The following ZNF704 variants were observed in gnomAD, a reference collection of about 807,000 sequenced individuals.
ZNF704 encodes zinc finger protein 704, also known as glucocorticoid induced gene 1.
A neutral mutation model predicts 44.7 loss-of-function variants in ZNF704; 10 were observed. The observed-to-expected ratio is 0.22, with a 90% CI of 0.14 to 0.38. ZNF704 has a LOEUF of 0.38. Among genes scored for constraint, ZNF704 ranks in the 10% least tolerant of loss-of-function variants. The pLI, the probability that ZNF704 is intolerant of heterozygous loss-of-function variation, is 1.00. For synonymous variants in ZNF704, 211 were observed against 207.6 expected (o/e 1.02, Z -0.14); for missense variants, 390 against 545.5 (o/e 0.71, Z 2.84).
chr8:80,832,316 A>G (rs1449103305), intron 1 of ZNF704, among the ~76,000 whole-genome samples: 1 of 152,144 alleles, frequency 6.6e-6, no homozygotes, highest in Non-Finnish European at 1.5e-5. Context: ...CAGGGACTGA[A>G]GCTCATCATT....
intron 7 of ZNF704, among the ~76,000 whole-genome samples, chr8:80,658,130 G>T (rs1563508194): frequency 6.6e-6 from 1 of 152,160 alleles, no homozygotes; most frequent in Non-Finnish European, 1.5e-5. Context: ...ATTCCAGTTT[G>T]CTTGGCCACA....
intron 2 of ZNF704, among the ~76,000 whole-genome samples, chr8:80,731,403 T>C (rs1419514095): frequency 6.6e-6 from 1 of 152,160 alleles, no homozygotes; most frequent in Non-Finnish European, 1.5e-5. Flanking sequence ...ATGGTATACA[T>C]ACATGATCAA....
intron 2 of ZNF704, among the ~76,000 whole-genome samples, chr8:80,750,026 T>G (rs1056988442): frequency 1.3e-5 from 2 of 152,166 alleles, no homozygotes; most frequent in African/African-American, 2.4e-5. Context: ...CTTAGTCCTG[T>G]GTCCTGGAAG....
At chr8:80,696,629 G>A (rs1818729976) in intron 2 of ZNF704, among the ~76,000 whole-genome samples, 1 of 152,170 alleles carries the variant, frequency 6.6e-6, no homozygotes, top group Non-Finnish European at 1.5e-5. Context: ...TGTTGACCAC[G>A]CTGGTCTCAA....
chr8:80,681,063 T>TAAA (rs1818445667), intron 4 of ZNF704, among the ~76,000 whole-genome samples: 1 of 152,200 alleles, frequency 6.6e-6, no homozygotes, highest in Non-Finnish European at 1.5e-5. Context: ...CTCCCTTTTA[T>TAAA]GTGGTGAAGT....
intron 2 of ZNF704, among the ~76,000 whole-genome samples, chr8:80,799,487 T>C (rs1320569009): frequency 2.6e-5 from 4 of 152,150 alleles, no homozygotes; most frequent in Non-Finnish European, 5.9e-5. Flanking sequence ...AAATAGCCAC[T>C]GGTGGTACCT....
intron 2 of ZNF704, among the ~76,000 whole-genome samples, chr8:80,727,168 G>C (rs925864676): frequency 1.3e-5 from 2 of 152,144 alleles, no homozygotes; most frequent in Non-Finnish European, 2.9e-5. Context: ...AGAATAGCAA[G>C]AGATTAAATA....
chr8:80,883,406 C>T, the ZNF704 span, among the ~76,000 whole-genome samples: 83 of 152,270 alleles, frequency 5.5e-4, no homozygotes, highest in Non-Finnish European at 7.9e-4. Flanking sequence ...CCTGCTAGAA[C>T]ATTCTGCAGT....
Position 80,868,765 on chromosome 8 carries a change from TTTG to T in ZNF704, c.-22+5803_-22+5805del, listed in dbSNP as rs376663663. Reference sequence around the variant, plus strand: ...TTTTATTGATTTTTTTGGCTTACCCTTTGTTTTCTCCAACCCACTGACACATGA... The same window carrying T: ...TTTTATTGATTTTTTTGGCTTACCCTTTTTCTCCAACCCACTGACACATGA... On this transcript the variant is annotated intron_variant, in intron 1 of 8. Coordinates refer to ENST00000327835, the MANE Select transcript of ZNF704 (RefSeq NM_001033723.3). Among the ~76,000 whole-genome samples the T allele has an allele frequency of 6.5e-3, 997 of 152,332 alleles. 4 individuals are homozygous for T. The highest frequency in any genetic ancestry group is 7.9e-3 in the Non-Finnish European group (540 of 68,034).
At chr8:80,843,924 G>A (rs1808721663) in intron 1 of ZNF704, among the ~76,000 whole-genome samples, 1 of 149,592 alleles carries the variant, frequency 6.7e-6, no homozygotes, top group Admixed American at 6.7e-5. Context: ...AGGGAGAACA[G>A]TGAAATATAT....
chr8:80,727,639 A>T (rs1366923302), intron 2 of ZNF704, among the ~76,000 whole-genome samples: 1 of 152,082 alleles, frequency 6.6e-6, no homozygotes, highest in Non-Finnish European at 1.5e-5. Flanking sequence ...GAGGACGCAC[A>T]TCATACAAGT....
At chr8:80,650,563 T>C (rs1054244930) in intron 7 of ZNF704, among the ~76,000 whole-genome samples, 1 of 152,080 alleles carries the variant, frequency 6.6e-6, no homozygotes, top group Admixed American at 6.5e-5. Context: ...AGAAAGGGTA[T>C]CAGTGATGGA....
chr8:80,792,197 A>T (rs1291585141), intron 2 of ZNF704, among the ~76,000 whole-genome samples: 2 of 152,204 alleles, frequency 1.3e-5, no homozygotes, highest in Non-Finnish European at 2.9e-5. Context: ...ATTGAACAAG[A>T]TTTTAAACAG....
chr8:80,670,724 T>A (rs1317817981), intron 4 of ZNF704, 121 bp from the exon 5 acceptor site: 1 of 687,048 alleles, frequency 1.5e-6, no homozygotes, highest in Admixed American at 2.2e-5. Flanking sequence ...GCCTCTTGAC[T>A]ATAACTCAGC....
Position 80,659,640 on chromosome 8 carries a change from C to A in ZNF704, c.977G>T (p.Gly326Val). The change falls in exon 7 of 9, where the codon GGC becomes GTC. Residue 326 changes from glycine (G) to valine (V), a missense_variant. Around this residue, in one of 3 missense-constraint regions of ZNF704, gnomAD observed 305 missense variants for 435.7 expected, o/e 0.70. Transcript: ENST00000327835. ...IPGSAKFTPN[G>V]SSFSISWQSP... is the part of the protein sequence containing the mutation. ...TTGCCAGGAAATGCTGAAGCTGCTG[C>A]CATTGGGGGTGAACTTGGCCGATCC... 1 of 1,613,930 alleles carries A rather than the reference C, an allele frequency of 6.2e-7. No individual in the cohort carries two copies. Among genetic ancestry groups the A allele is most frequent in the Non-Finnish European group, 8.5e-7 (1 of 1,179,942 alleles).
At chr8:80,849,047 G>A (rs1808814813) in intron 1 of ZNF704, among the ~76,000 whole-genome samples, 2 of 152,102 alleles carry the variant, frequency 1.3e-5, no homozygotes, top group South Asian at 4.1e-4. Context: ...CCTTTAAGCA[G>A]CTAAAAATCT....
intron 2 of ZNF704, among the ~76,000 whole-genome samples, chr8:80,812,996 A>G (rs1314837672): frequency 6.6e-6 from 1 of 152,216 alleles, no homozygotes; most frequent in Non-Finnish European, 1.5e-5. Flanking sequence ...AAGATGCTGC[A>G]TCACATCTAA....
upstream of ZNF704, among the ~76,000 whole-genome samples, chr8:80,879,050 G>T (rs1003587783): frequency 5.9e-5 from 9 of 152,150 alleles, no homozygotes; most frequent in African/African-American, 2.2e-4. Context: ...CACTAGTTAA[G>T]TCCCCTGATC....
In ZNF704 at chr8:80,643,033, A is replaced by AC. The variant is rs1193956082; in HGVS notation, c.1127+1dup. 1 of 1,578,202 alleles carries AC rather than the reference A, an allele frequency of 6.3e-7. No homozygotes were observed. Among genetic ancestry groups the AC allele is most frequent in the African/African-American group, 1.4e-5 (1 of 73,376 alleles). ...TGTGTGGAGTTTTTTAAGCTGTCGT[A>AC]CCTTAAGCTGACTGTGCCTCTGGGT... On this transcript the variant is annotated splice_donor_variant, in intron 8 of 8. Transcript: ENST00000327835. LOFTEE classifies it high-confidence loss of function.
Sources: gnomAD v4.1 joint callset for allele counts (sites outside exome capture counted in the v4.1 genomes callset) on GRCh38, gnomAD v4.1.1 for gene constraint, gnomAD v4.1.1 regional missense constraint, MANE v1.5 for transcripts, NCBI Gene and HGNC (gene_info 2026-07-23, HGNC 2026-07-21) for gene names.